Variants in TBX10 observed in about 807,000 individuals in gnomAD.
The protein encoded by TBX10 is T-box transcription factor 10.
In TBX10, 26 loss-of-function variants were observed where a neutral mutation model predicts 32.4. The observed-to-expected ratio is 0.80, with a 90% CI of 0.59 to 1.11. The LOEUF (loss-of-function observed/expected upper bound fraction) is 1.11, where lower values mean the gene tolerates loss of function less well. TBX10 is among the 50% of genes most tolerant of loss of function. TBX10 has a pLI of 0.00. For missense variants in TBX10, 490 were observed against 494.5 expected (o/e 0.99, Z 0.09); for synonymous variants, 195 against 203.1 (o/e 0.96, Z 0.34).
intron 1 of TBX10, 99 bp from the exon 2 acceptor site, chr11:67,635,362 C>T: frequency 1.3e-6 from 2 of 1,541,156 alleles, no homozygotes; most frequent in East Asian, 2.3e-5. Flanking sequence ...GAAGCCCTCC[C>T]TGACTGCCAG....
rs1209389002 is a variant in TBX10 at position 67,634,806 on chromosome 11, G to A, written c.377+10C>T. The A allele has an allele frequency of 1.2e-6, 2 of 1,613,010 alleles. No individual in the cohort carries two copies. Among genetic ancestry groups the A allele is most frequent in the African/African-American group, 1.3e-5 (1 of 74,914 alleles). ...AGACCTGAGCCTTTGCCCCAGGCCG[G>A]TCCCCGCACCTGTATCTCTTGTCGT... is the stretch of plus-strand genomic sequence containing the variant. On this transcript the variant is annotated intron_variant, in intron 3 of 7. Coordinates refer to ENST00000335385, the MANE Select transcript of TBX10 (RefSeq NM_005995.5).
At chr11:67,639,315 G>A in intron 1 of TBX10, 151 bp downstream of exon 1, 1 of 1,118,632 alleles carries the variant, frequency 8.9e-7, no homozygotes, top group South Asian at 1.4e-5. Flanking sequence ...CTGTCCCGTT[G>A]GGATCTCAGA....
chr11:67,631,306 T>C lies in TBX10; in HGVS notation c.*299A>G. ...ACGACAGAAGTGCTCTGACCACTCA[T>C]GCCAAATAGTTTAATGTTAGGGGGA... is the stretch of plus-strand genomic sequence containing the variant. On this transcript the variant is annotated 3_prime_UTR_variant, in exon 8 of 8. Transcript: ENST00000335385. 1 of 454,358 alleles carries C rather than the reference T, an allele frequency of 2.2e-6. No homozygotes were observed. The highest frequency in any genetic ancestry group is 3.4e-5 in the Admixed American group (1 of 29,044). The allele number at this position is 454,358 out of a possible 1,614,324, so 28.1% of individuals were successfully genotyped here.
chr11:67,632,312 C>T lies in TBX10; in HGVS notation c.868+6G>A. 3 of 1,613,260 alleles carry T rather than the reference C, an allele frequency of 1.9e-6. No homozygotes were observed. The highest frequency in any genetic ancestry group is 1.7e-6 in the Non-Finnish European group (2 of 1,179,978). ...TCCCACTATGTCTGCAGGCCTGGGG[C>T]CTTACCTTTCTCCCTGTCTGTGGCA... On this transcript the variant is annotated splice_donor_region_variant and intron_variant, in intron 7 of 7. Transcript: ENST00000335385.
At chr11:67,636,513 A>T (rs1040318795) in intron 1 of TBX10, among the ~76,000 whole-genome samples, 2 of 97,602 alleles carry the variant, frequency 2.0e-5, no homozygotes, top group Non-Finnish European at 5.3e-5. Context: ...TTATTTATTT[A>T]TTTATTTATT....
intron 1 of TBX10, among the ~76,000 whole-genome samples, chr11:67,636,456 G>C (rs930027700): frequency 6.6e-6 from 1 of 151,504 alleles, no homozygotes; most frequent in African/African-American, 2.4e-5. Flanking sequence ...CAGCATGGTA[G>C]CTCCTCAAAA....
chr11:67,633,610 C>T (rs551379094), intron 4 of TBX10, among the ~76,000 whole-genome samples: 25 of 152,366 alleles, frequency 1.6e-4, no homozygotes, highest in South Asian at 1.4e-3. Flanking sequence ...GCAATTCTGC[C>T]GGCCCAGGAT....
chr11:67,632,732 C>A, intron 5 of TBX10, 62 bp from the exon 6 acceptor site: 27 of 1,604,062 alleles, frequency 1.7e-5, no homozygotes, highest in Non-Finnish European at 2.3e-5. Flanking sequence ...CCTTGTCCTC[C>A]CGGGAACCGG....
At chr11:67,633,521 C>T (rs1227806714) in intron 4 of TBX10, among the ~76,000 whole-genome samples, 3 of 152,200 alleles carry the variant, frequency 2.0e-5, no homozygotes, top group East Asian at 1.9e-4. Flanking sequence ...CAGAGCCCCC[C>T]GAAGTCAGCC....
upstream of TBX10, among the ~76,000 whole-genome samples, chr11:67,640,901 A>AC (rs1051607667): frequency 3.3e-5 from 5 of 151,666 alleles, no homozygotes; most frequent in Non-Finnish European, 7.4e-5. Flanking sequence ...GCTGGATGGG[A>AC]CCCCACACAA....
chr11:67,634,822 C>T lies in TBX10; in HGVS notation c.371G>A (p.Arg124Lys). 6.2e-7 allele frequency: 1 copy of T among 1,613,522 alleles called. No individual in the cohort carries two copies. Among genetic ancestry groups the T allele is most frequent in the Non-Finnish European group, 8.5e-7 (1 of 1,180,020 alleles). Residue 124 changes from arginine (R) to lysine (K), a missense_variant, in exon 3 of 8, where the codon AGA becomes AAA. Coordinates refer to ENST00000335385, the MANE Select transcript of TBX10 (RefSeq NM_005995.5). ...CCCAGGCCGGTCCCCGCACCTGTAT[C>T]TCTTGTCGTCCAGGGGGATGAAGTC... Reference protein sequence around the residue: ...LMDFIPLDDKRYRYAFHSSAW... With the variant: ...LMDFIPLDDKKYRYAFHSSAW...
intron 1 of TBX10, among the ~76,000 whole-genome samples, chr11:67,638,105 G>T (rs529699324): frequency 1.3e-5 from 2 of 152,156 alleles, no homozygotes; most frequent in African/African-American, 4.8e-5. Flanking sequence ...TATTCGGGAG[G>T]CTGAGACACA....
Position 67,634,346 on chromosome 11 carries a change from C to T in TBX10, c.392G>A (p.Ser131Asn). The change falls in exon 4 of 8, where the codon AGC (serine) becomes AAC (asparagine). Residue 131 changes from serine (S) to asparagine (N), a missense_variant. Physicochemically the swap from Ser to Asn is conservative, Grantham distance 46. This residue lies in a region of TBX10 where 307 missense variants were observed against 294.9 expected (regional missense o/e 1.04). Transcript: ENST00000335385. ...DDKRYRYAFHSSAWLVAGKAD... is the reference protein window; with the variant it reads ...DDKRYRYAFHNSAWLVAGKAD... ...CTTGCCCGCCACCAGCCAGGCCGAG[C>T]TGTGGAAGGCATACCTGGGGAGCAC... 1.2e-6 allele frequency: 2 copies of T among 1,603,824 alleles called. No homozygotes were observed. Among genetic ancestry groups the T allele is most frequent in the South Asian group, 2.2e-5 (2 of 91,082 alleles).
At position 67,634,251 on chromosome 11, in the gene TBX10, G is replaced by T. The variant is rs200089316; in HGVS notation, c.487C>A (p.Arg163Ser). Residue 163 changes from arginine (R) to serine (S), a missense_variant, in exon 4 of 8, where the codon CGC (arginine) becomes AGC (serine). Physicochemically the swap from Arg to Ser is moderately radical, Grantham distance 110. Coordinates refer to ENST00000335385, the MANE Select transcript of TBX10 (RefSeq NM_005995.5). ...AGCTTGTCAAAGGACACAATCTGGCGCATCCACTGGGCACCCTTGGCTGGC... is the reference window on the plus strand; with the variant it reads ...AGCTTGTCAAAGGACACAATCTGGCTCATCCACTGGGCACCCTTGGCTGGC... Reference protein sequence around the residue: ...DSPAKGAQWMRQIVSFDKLKL... With the variant: ...DSPAKGAQWMSQIVSFDKLKL... 1.2e-6 allele frequency: 2 copies of T among 1,613,150 alleles called. No homozygotes were observed. Among genetic ancestry groups the T allele is most frequent in the East Asian group, 2.2e-5 (1 of 44,878 alleles).
upstream of TBX10, among the ~76,000 whole-genome samples, chr11:67,640,266 G>T (rs1442418876): frequency 6.6e-6 from 1 of 152,250 alleles, no homozygotes; most frequent in African/African-American, 2.4e-5. Context: ...TCAGGGAGCT[G>T]CGCAACGCTG....
Position 67,631,623 on chromosome 11 carries a change from A to G in TBX10, c.1140T>C (p.Pro380=). Residue 380 remains proline, a synonymous_variant, in exon 8 of 8, where the codon CCT becomes CCC. Coordinates refer to ENST00000335385, the MANE Select transcript of TBX10 (RefSeq NM_005995.5). ...LLSPTVVCLG[P]GQDSQ ...TCTGGCATCACTGGGAGTCCTGGCC[A>G]GGCCCCAGGCACACCACAGTGGGGG... The G allele has an allele frequency of 6.2e-7, 1 of 1,600,438 alleles. No homozygotes were observed. The highest frequency in any genetic ancestry group is 8.5e-7 in the Non-Finnish European group (1 of 1,177,004).
At position 67,639,509 on chromosome 11, in the gene TBX10, T is replaced by G; in HGVS notation, c.-37A>C. On this transcript the variant is annotated 5_prime_UTR_variant, in exon 1 of 8. Coordinates refer to ENST00000335385, the MANE Select transcript of TBX10 (RefSeq NM_005995.5). The stretch of plus-strand genomic sequence containing the variant: ...GGCTGTCCGGCTCCTGGAGAAACAC[T>G]GCTTGGCTGGGGCTGGGAACCTGCC... The G allele has an allele frequency of 6.3e-7, 1 of 1,590,700 alleles. No homozygotes were observed. The highest frequency in any genetic ancestry group is 8.6e-7 in the Non-Finnish European group (1 of 1,166,324).
Position 67,639,534 on chromosome 11 carries a change from C to T in TBX10, c.-62G>A. 1 of 1,610,216 alleles carries T rather than the reference C, an allele frequency of 6.2e-7. No homozygotes were observed. The highest frequency in any genetic ancestry group is 8.5e-7 in the Non-Finnish European group (1 of 1,178,468). On this transcript the variant is annotated 5_prime_UTR_variant, in exon 1 of 8. Coordinates refer to ENST00000335385, the MANE Select transcript of TBX10 (RefSeq NM_005995.5). ...TGCTTGGCTGGGGCTGGGAACCTGC[C>T]TGCTGGAAGGGGTGGTCACCACTCG...
rs1855298882 is a variant in TBX10 at position 67,634,803 on chromosome 11, C to A, written c.377+13G>T. 1 of 1,612,880 alleles carries A rather than the reference C, an allele frequency of 6.2e-7. No individual in the cohort carries two copies. The highest frequency in any genetic ancestry group is 8.5e-7 in the Non-Finnish European group (1 of 1,179,650). The stretch of plus-strand genomic sequence containing the variant: ...CTGAGACCTGAGCCTTTGCCCCAGG[C>A]CGGTCCCCGCACCTGTATCTCTTGT... On this transcript the variant is annotated intron_variant, in intron 3 of 7. Transcript: ENST00000335385.
Sources: gnomAD v4.1 joint callset for allele counts (sites outside exome capture counted in the v4.1 genomes callset) on GRCh38, gnomAD v4.1.1 for gene constraint, gnomAD v4.1.1 regional missense constraint, MANE v1.5 for transcripts, NCBI Gene and HGNC (gene_info 2026-07-23, HGNC 2026-07-21) for gene names.